CSNK1G1: variants seen among roughly 807,000 people sequenced by gnomAD.
CSNK1G1 encodes casein kinase 1 gamma 1.
A neutral mutation model predicts 59.6 loss-of-function variants in CSNK1G1; 22 were observed. That is an observed-to-expected ratio of 0.37 (90% CI 0.26 to 0.53). The LOEUF is 0.53. Among genes scored for constraint, CSNK1G1 ranks in the 20% least tolerant of loss-of-function variants. The pLI, the probability that CSNK1G1 is intolerant of heterozygous loss-of-function variation, is 0.89. For missense variants in CSNK1G1, 384 were observed against 519.5 expected (o/e 0.74, Z 2.54); for synonymous variants, 179 against 177.1 (o/e 1.01, Z -0.08).
intron 1 of CSNK1G1, among the ~76,000 whole-genome samples, chr15:64,350,478 G>A (rs1419950678): frequency 1.3e-5 from 2 of 151,808 alleles, no homozygotes; most frequent in Non-Finnish European, 2.9e-5. Flanking sequence ...TCCAGCCTGA[G>A]CAACAGAGCA....
intron 2 of CSNK1G1, among the ~76,000 whole-genome samples, chr15:64,270,392 A>G (rs1465269461): frequency 6.6e-6 from 1 of 152,060 alleles, no homozygotes; most frequent in Non-Finnish European, 1.5e-5. Context: ...TCATTGTGAT[A>G]CTAGGTTGTT....
intron 2 of CSNK1G1, among the ~76,000 whole-genome samples, chr15:64,263,282 T>C (rs1193646264): frequency 6.6e-6 from 1 of 151,674 alleles, no homozygotes; most frequent in Admixed American, 6.6e-5. Flanking sequence ...TTTGCCTCCA[T>C]GGTTCAAGCG....
rs1256160270 is a variant in CSNK1G1, at chr15:64,176,318, G to GAGAGAAAGA, written c.1214+4029_1214+4030insTCTTTCTCT. On this transcript the variant is annotated intron_variant, in intron 11 of 11. Coordinates refer to ENST00000303052, the MANE Select transcript of CSNK1G1 (RefSeq NM_022048.5). This position sits in a 1 kb window ranked among gnomAD's most constrained non-coding sequence, Gnocchi z 5.2. ...GTATATAAAGAGAAAAACACAGAAA[G>GAGAGAAAGA]GAAGAGAGAGAAAGAGAGAGATATT... 2.5e-6 allele frequency: 1 copy of GAGAGAAAGA among 398,432 alleles called. No individual in the cohort carries two copies. The highest frequency in any genetic ancestry group is 4.4e-6 in the Non-Finnish European group (1 of 226,064). 24.7% of individuals were successfully genotyped at this position (398,432 alleles called of 1,614,324 possible). A position where few individuals can be genotyped will look rare whatever the true frequency, so the allele number is the denominator to read the frequency against.
chr15:64,283,497 C>A (rs948068561), intron 2 of CSNK1G1, among the ~76,000 whole-genome samples: 10 of 152,160 alleles, frequency 6.6e-5, no homozygotes, highest in African/African-American at 2.4e-4. Context: ...AGCGCACCAA[C>A]ACACCCAGCT....
intron 1 of CSNK1G1, among the ~76,000 whole-genome samples, chr15:64,316,477 A>C (rs1896269432): frequency 6.9e-6 from 1 of 145,960 alleles, no homozygotes; most frequent in South Asian, 2.2e-4. Flanking sequence ...TGGAGGGTGC[A>C]GTAAGCTGAA....
At chr15:64,281,519 G>T (rs943431943) in intron 2 of CSNK1G1, among the ~76,000 whole-genome samples, 2 of 152,142 alleles carry the variant, frequency 1.3e-5, no homozygotes, top group Non-Finnish European at 2.9e-5. Context: ...TGTTTAATGA[G>T]CATAGAGTTT....
intron 10 of CSNK1G1, among the ~76,000 whole-genome samples, chr15:64,180,871 T>A (rs2081804197): frequency 6.6e-6 from 1 of 152,226 alleles, no homozygotes; most frequent in Non-Finnish European, 1.5e-5. Flanking sequence ...CATTACTTTG[T>A]TAAGTTAAAA....
At chr15:64,323,837 T>C (rs906914335) in intron 1 of CSNK1G1, among the ~76,000 whole-genome samples, 4 of 152,232 alleles carry the variant, frequency 2.6e-5, no homozygotes, top group Non-Finnish European at 5.9e-5. Flanking sequence ...AAAGCCTCTC[T>C]TTTCCCAGCT....
chr15:64,257,776 G>C (rs1892465326), intron 3 of CSNK1G1, among the ~76,000 whole-genome samples: 1 of 152,046 alleles, frequency 6.6e-6, no homozygotes, highest in Non-Finnish European at 1.5e-5. Flanking sequence ...TGCCTGCCTT[G>C]GCTTCCTAAA....
At chr15:64,288,521 T>TA (rs1300783284) in intron 2 of CSNK1G1, among the ~76,000 whole-genome samples, 1 of 152,014 alleles carries the variant, frequency 6.6e-6, no homozygotes, top group Non-Finnish European at 1.5e-5. Context: ...AGATAAATTA[T>TA]AAAAAATATT....
intron 1 of CSNK1G1, among the ~76,000 whole-genome samples, chr15:64,303,759 A>G (rs1004134534): frequency 3.3e-5 from 5 of 151,566 alleles, no homozygotes; most frequent in Non-Finnish European, 7.4e-5. Context: ...TCAAGAAAAA[A>G]AAAAAAAAAA....
chr15:64,201,396 AT>A (rs144069457), intron 10 of CSNK1G1, among the ~76,000 whole-genome samples: 5,123 of 152,192 alleles, frequency 0.034, 244 homozygotes, highest in African/African-American at 0.11. Flanking sequence ...TGCACTAGCT[AT>A]TAGCTTTTAA....
chr15:64,178,621 A>G (rs2081770561), intron 11 of CSNK1G1, among the ~76,000 whole-genome samples: 1 of 151,650 alleles, frequency 6.6e-6, no homozygotes, highest in African/African-American at 2.4e-5. Flanking sequence ...AGCTGGGACT[A>G]CAGACGCATG....
At chr15:64,352,752 A>G (rs1898385516) in intron 1 of CSNK1G1, among the ~76,000 whole-genome samples, 1 of 151,286 alleles carries the variant, frequency 6.6e-6, no homozygotes, top group Admixed American at 6.6e-5. Flanking sequence ...GCCTAATTTC[A>G]ACTCTTTATA....
rs1191216745 is a variant in CSNK1G1 at position 64,170,703 on chromosome 15, C to T, written c.*1228G>A. ...TGGCTGTTTCATCACTAATTTTTCC[C>T]CCAAGTCACCAGGACGTCACATGGC... On this transcript the variant is annotated 3_prime_UTR_variant, in exon 12 of 12. Transcript: ENST00000303052. 1 of 152,374 alleles carries T rather than the reference C, an allele frequency of 6.6e-6. No individual in the cohort carries two copies. The highest frequency in any genetic ancestry group is 2.4e-5 in the African/African-American group (1 of 41,334). The allele number at this position is 152,374 out of a possible 1,614,324, so 9.4% of individuals were successfully genotyped here.
intron 4 of CSNK1G1, among the ~76,000 whole-genome samples, chr15:64,217,070 C>T (rs544688353): frequency 6.6e-6 from 1 of 152,368 alleles, no homozygotes; most frequent in East Asian, 1.9e-4. Context: ...GCTCACTGAG[C>T]TCAAAGGCCA....
rs766131655 is a variant in CSNK1G1, at chr15:64,259,219, T to C, written c.204A>G (p.Glu68=). ...TACTCACCAGTTTGATTGCTACATA[T>C]TCATTGGTGTAGAGATTTTTACCTA... ...LRLGKNLYTN[E]YVAIKLEPIK... The change falls in exon 3 of 12, where the codon GAA becomes GAG. Residue 68 remains glutamate, a synonymous_variant. Coordinates refer to ENST00000303052, the MANE Select transcript of CSNK1G1 (RefSeq NM_022048.5). 8.1e-5 allele frequency: 129 copies of C among 1,597,308 alleles called. No individual in the cohort carries two copies. The highest frequency in any genetic ancestry group is 1.1e-4 in the Non-Finnish European group (128 of 1,170,820).
At chr15:64,211,062 C>A (rs935177794) in intron 6 of CSNK1G1, among the ~76,000 whole-genome samples, 5 of 152,170 alleles carry the variant, frequency 3.3e-5, no homozygotes, top group Admixed American at 2.6e-4. Context: ...GTACAGCCTG[C>A]AGAACCCTGA....
At chr15:64,337,907 T>C (rs927647298) in intron 1 of CSNK1G1, among the ~76,000 whole-genome samples, 1 of 152,210 alleles carries the variant, frequency 6.6e-6, no homozygotes, top group African/African-American at 2.4e-5. Flanking sequence ...ATATTTGTCC[T>C]GTGTCTGACT....
Sources: gnomAD v4.1 joint callset for allele counts (sites outside exome capture counted in the v4.1 genomes callset) on GRCh38, gnomAD v4.1.1 for gene constraint, Gnocchi (gnomAD v3.1) non-coding constraint, MANE v1.5 for transcripts, NCBI Gene and HGNC (gene_info 2026-07-23, HGNC 2026-07-21) for gene names.